Variants in WBP2 observed in about 807,000 individuals in gnomAD.
WBP2 encodes the protein WW domain binding protein 2.
In WBP2, 23 loss-of-function variants were observed where a neutral mutation model predicts 33.0. That is an observed-to-expected ratio of 0.70 (90% CI 0.50 to 0.99). The LOEUF (loss-of-function observed/expected upper bound fraction) is 0.99. WBP2 is among the 50% of genes least tolerant of loss of function. The pLI is 0.00. For missense variants in WBP2, 353 were observed against 358.0 expected (o/e 0.99, Z 0.11); for synonymous variants, 153 against 133.5 (o/e 1.15, Z -1.01).
chr17:75,855,307 A>G lies in WBP2; in HGVS notation c.-10T>C. 6.2e-7 allele frequency: 1 copy of G among 1,611,828 alleles called. No individual in the cohort carries two copies. On this transcript the variant is annotated 5_prime_UTR_variant, in exon 1 of 8. Transcript: ENST00000254806. ...TCTTGTTGAGCGCCATAGTCTCTCC[A>G]ACAGGGGTCCCGAGACTCAAAACGC... is the stretch of plus-strand genomic sequence containing the variant.
Position 75,846,872 on chromosome 17 carries a change from C to A in WBP2, c.732+36G>T. 1 of 1,613,730 alleles carries A rather than the reference C, an allele frequency of 6.2e-7. No individual in the cohort carries two copies. Among genetic ancestry groups the A allele is most frequent in the South Asian group, 1.1e-5 (1 of 91,044 alleles). ...CCCCTGCGGCTCCCAGCATCTGCGG[C>A]TGTGGGGCTGCACCGGCACTGCCAA... On this transcript the variant is annotated intron_variant, in intron 7 of 7. Transcript: ENST00000254806. This position sits in a 1 kb window ranked among gnomAD's most constrained non-coding sequence, Gnocchi z 4.8.
upstream of WBP2, among the ~76,000 whole-genome samples, chr17:75,855,645 A>AC (rs982628349): frequency 2.0e-5 from 3 of 151,792 alleles, no homozygotes; most frequent in Non-Finnish European, 4.4e-5. Context: ...TGCCATCCCC[A>AC]CCCCGCCTCT....
At chr17:75,850,866 G>GT (rs946895479) in intron 2 of WBP2, among the ~76,000 whole-genome samples, 36 of 152,142 alleles carry the variant, frequency 2.4e-4, no homozygotes, top group African/African-American at 7.5e-4. Context: ...GCTAATTTTT[G>GT]TATTTTTTGT....
rs1384209890 is a variant in WBP2, at chr17:75,851,764, C to CCCGGCACGT, written c.60-97_60-89dup. 37 of 949,548 alleles carry CCCGGCACGT rather than the reference C, an allele frequency of 3.9e-5. No homozygotes were observed. In the East Asian group the frequency reaches 9.3e-4, roughly 24 times the overall value. 58.8% of individuals were successfully genotyped at this position (949,548 alleles called of 1,614,324 possible). On this transcript the variant is annotated intron_variant, in intron 1 of 7. Transcript: ENST00000254806. ...ACTGGGCCTTTCTCCCAAGCAGCTG[C>CCCGGCACGT]CCGGCACGTCAGCTCTCATAACCTC...
At position 75,845,792 on chromosome 17, in the gene WBP2, T is replaced by C. The variant is rs1441721267; in HGVS notation, c.*942A>G. 1.3e-5 allele frequency: 2 copies of C among 152,590 alleles called. No homozygotes were observed. The highest frequency in any genetic ancestry group is 2.4e-5 in the African/African-American group (1 of 41,474). 9.5% of individuals were successfully genotyped at this position (152,590 alleles called of 1,614,324 possible). A position where few individuals can be genotyped will look rare whatever the true frequency, so the allele number is the denominator to read the frequency against. ...CACATTAATATATTAACTGGATTTTTTGTCAAATAAATAGGGAATTCTCTT... is the reference window on the plus strand; with the variant it reads ...CACATTAATATATTAACTGGATTTTCTGTCAAATAAATAGGGAATTCTCTT... On this transcript the variant is annotated 3_prime_UTR_variant, in exon 8 of 8. Coordinates refer to ENST00000254806, the MANE Select transcript of WBP2 (RefSeq NM_012478.4).
intron 2 of WBP2, among the ~76,000 whole-genome samples, chr17:75,850,454 C>T (rs1160035350): frequency 6.6e-6 from 1 of 152,072 alleles, no homozygotes; most frequent in Non-Finnish European, 1.5e-5. Flanking sequence ...ACCGTGTTAG[C>T]CAGGATGGTC....
intron 3 of WBP2, chr17:75,848,979 C>A: frequency 2.5e-6 from 1 of 393,448 alleles, no homozygotes; most frequent in South Asian, 2.8e-5. Flanking sequence ...AGGTTTCTCT[C>A]CGCCCCCAGT....
At position 75,853,874 on chromosome 17, in the gene WBP2, T is replaced by C. The variant is rs147351415; in HGVS notation, c.59+1365A>G. 9.3e-3 allele frequency among the ~76,000 whole-genome samples: 1,408 copies of C among 151,978 alleles called. 17 individuals are homozygous for C. Among genetic ancestry groups the C allele is most frequent in the African/African-American group, 0.028 (1,159 of 41,420 alleles). On this transcript the variant is annotated intron_variant, in intron 1 of 7. Coordinates refer to ENST00000254806, the MANE Select transcript of WBP2 (RefSeq NM_012478.4). ...GCCTGCCCAACATGGTGAAACCCTA[T>C]GTCTACTAAAAATACAAAAAATTAG...
intron 1 of WBP2, chr17:75,852,390 G>C (rs2065032865): frequency 6.6e-6 from 1 of 152,164 alleles, no homozygotes; most frequent in African/African-American, 2.4e-5. Context: ...GAGCTACAGG[G>C]CTCTGAAGAG....
At chr17:75,852,888 A>G in intron 1 of WBP2, 1 of 785,076 alleles carries the variant, frequency 1.3e-6, no homozygotes, top group Non-Finnish European at 1.5e-6. Context: ...GGGTTCTTTT[A>G]AACCTGGGTT....
rs149300980 is a variant in WBP2 at position 75,851,600 on chromosome 17, T to C, written c.136A>G (p.Lys46Glu). 6 of 1,613,788 alleles carry C rather than the reference T, an allele frequency of 3.7e-6. No homozygotes were observed. The highest frequency in any genetic ancestry group is 5.1e-6 in the Non-Finnish European group (6 of 1,179,748). Residue 46 changes from lysine (K) to glutamate (E), a missense_variant, in exon 2 of 8, where the codon AAG (lysine) becomes GAG (glutamate). Transcript: ENST00000254806. ...KNVPEAFKGT[K>E]KGTVYLTPYR... ...GGGGTAAGGTAGACAGTGCCTTTCT[T>C]GGTCCCTTTGAAGGCTTCTGGCACG...
chr17:75,846,688 G>T lies in WBP2; in HGVS notation c.*46C>A. 6.6e-7 allele frequency: 1 copy of T among 1,504,070 alleles called. No individual in the cohort carries two copies. Among genetic ancestry groups the T allele is most frequent in the Non-Finnish European group, 8.9e-7 (1 of 1,121,524 alleles). The allele number at this position is 1,504,070 out of a possible 1,614,324, so 93.2% of individuals were successfully genotyped here. A position where few individuals can be genotyped will look rare whatever the true frequency, so the allele number is the denominator to read the frequency against. On this transcript the variant is annotated 3_prime_UTR_variant, in exon 8 of 8. Transcript: ENST00000254806. The surrounding 1 kb of genome is among the most constrained non-coding windows in gnomAD (Gnocchi z 4.8). The stretch of plus-strand genomic sequence containing the variant: ...AGCCCCAGCACAGCCCCGATGGGAG[G>T]GGTAGGGTAGAGAGATGAGGGTGGG...
chr17:75,856,080 G>T (rs2065057210), upstream of WBP2, among the ~76,000 whole-genome samples: 1 of 152,036 alleles, frequency 6.6e-6, no homozygotes, highest in Admixed American at 6.5e-5. Context: ...CCCCCTTAGC[G>T]CCCAGCGGGG....
At chr17:75,851,350 T>G (rs531744759) in intron 2 of WBP2, 2 of 451,028 alleles carry the variant, frequency 4.4e-6, no homozygotes, top group African/African-American at 2.0e-5. Flanking sequence ...GGAATTGACA[T>G]GGGTTCACTG....
chr17:75,854,802 C>T (rs1301363650), intron 1 of WBP2, among the ~76,000 whole-genome samples: 1 of 152,190 alleles, frequency 6.6e-6, no homozygotes, highest in East Asian at 1.9e-4. Flanking sequence ...TCCACTTTCC[C>T]TACCTGTGAA....
intron 1 of WBP2, 154 bp from the exon 2 acceptor site, chr17:75,851,830 G>A (rs750810201): frequency 3.7e-5 from 20 of 540,214 alleles, no homozygotes; most frequent in Non-Finnish European, 6.6e-5. Flanking sequence ...GGCTGGGCGC[G>A]GTGGCTCACG....
rs1406007498 is a variant in WBP2, at chr17:75,847,894, T to C, written c.434A>G (p.Tyr145Cys). Residue 145 changes from tyrosine to cysteine, a missense_variant, in exon 5 of 8, where the codon TAC (tyrosine) becomes TGC (cysteine). By Grantham distance (194) the Tyr-to-Cys change is radical. Transcript: ENST00000254806. ...ATAGGCCCCGCTGGGCATGTAAGAGTAGCCATAGGCTCCACTGGGGACTTC... is the reference window on the plus strand; with the variant it reads ...ATAGGCCCCGCTGGGCATGTAAGAGCAGCCATAGGCTCCACTGGGGACTTC... Reference protein sequence around the residue: ...RGEVPSGAYGYSYMPSGAYVY... With the variant: ...RGEVPSGAYGCSYMPSGAYVY... 6 of 1,559,882 alleles carry C rather than the reference T, an allele frequency of 3.8e-6. No homozygotes were observed. Among genetic ancestry groups the C allele is most frequent in the Non-Finnish European group, 5.2e-6 (6 of 1,151,934 alleles).
In WBP2 at chr17:75,848,658, G is replaced by A. The variant is rs1241155643; in HGVS notation, c.309C>T (p.Gly103=). 2 of 1,613,352 alleles carry A rather than the reference G, an allele frequency of 1.2e-6. No homozygotes were observed. Among genetic ancestry groups the A allele is most frequent in the East Asian group, 2.2e-5 (1 of 44,866 alleles). The change falls in exon 4 of 8, where the codon GGC becomes GGT. Residue 103 remains glycine (G), a synonymous_variant. Transcript: ENST00000254806. ...KGTVKAEAGG[G]WEGSASYKLT... ...ACTTGTAGGAAGCAGAGCCTTCCCA[G>A]CCACCTGAAAGGGGAAGGACAGTGA...
intron 1 of WBP2, among the ~76,000 whole-genome samples, chr17:75,854,142 G>A (rs779554506): frequency 6.6e-6 from 1 of 151,792 alleles, no homozygotes; most frequent in Non-Finnish European, 1.5e-5. Flanking sequence ...AACTCTGAGC[G>A]GGTAAGATAG....
Sources: gnomAD v4.1 joint callset for allele counts (sites outside exome capture counted in the v4.1 genomes callset) on GRCh38, gnomAD v4.1.1 for gene constraint, Gnocchi (gnomAD v3.1) non-coding constraint, MANE v1.5 for transcripts, NCBI Gene and HGNC (gene_info 2026-07-23, HGNC 2026-07-21) for gene names.